KDM3A: variants seen among roughly 807,000 people sequenced by gnomAD.
The protein encoded by KDM3A is lysine demethylase 3A.
KDM3A carries 60 observed loss-of-function variants against 158.0 expected under a neutral mutation model. The ratio of observed to expected loss-of-function variants is 0.38; its 90% CI spans 0.31 to 0.47. The LOEUF is 0.47. Ranked by LOEUF, KDM3A falls within the 20% of genes least tolerant of loss-of-function variation. KDM3A has a pLI of 0.99. For synonymous variants in KDM3A, 608 were observed against 549.3 expected, an observed-to-expected ratio of 1.11 and a Z score of -1.49; for missense variants, 1,319 against 1,574.3, an observed-to-expected ratio of 0.84 and a Z score of 2.74.
At chr2:86,491,366 G>A in intron 25 of KDM3A, 91 bp downstream of exon 25, 2 of 1,351,180 alleles carry the variant, frequency 1.5e-6, no homozygotes, top group Non-Finnish European at 2.1e-6. Flanking sequence ...AGTGAACTTG[G>A]CCATATCGTA....
chr2:86,484,760 A>G (rs1674101920), intron 19 of KDM3A, 182 bp from the exon 20 acceptor site: 1 of 518,670 alleles, frequency 1.9e-6, no homozygotes, highest in Non-Finnish European at 3.4e-6. Flanking sequence ...AAAATGGTGG[A>G]TAGTTGGTAG....
rs779252326 is a variant in KDM3A, at chr2:86,451,173, A to T, written c.413A>T (p.Gln138Leu). 11 of 1,611,944 alleles carry T rather than the reference A, an allele frequency of 6.8e-6. No individual in the cohort carries two copies. Among genetic ancestry groups the T allele is most frequent in the Non-Finnish European group, 8.5e-6 (10 of 1,179,284 alleles). The change falls in exon 4 of 26, where the codon CAA (glutamine) becomes CTA (leucine). Residue 138 changes from glutamine (Q) to leucine (L), a missense_variant. By Grantham distance (113) the Gln-to-Leu change is moderately radical (BLOSUM62 -2). Around this residue, in one of 4 missense-constraint regions of KDM3A, gnomAD observed 652 missense variants for 627.2 expected, o/e 1.04. Transcript: ENST00000312912. ...TCTGTTCGCTTTCTGGGAGATCAAC[A>T]AAGAGTATTTCTTTCTAAAGACCTT... is the stretch of plus-strand genomic sequence containing the variant. ...ITSVRFLGDQ[Q>L]RVFLSKDLLK...
chr2:86,468,098 C>T (rs980169732), intron 10 of KDM3A, among the ~76,000 whole-genome samples: 4 of 152,168 alleles, frequency 2.6e-5, no homozygotes, highest in African/African-American at 9.7e-5. Context: ...AATATATCTA[C>T]ACTATCTTTT....
At chr2:86,470,131 T>C in intron 10 of KDM3A, 73 bp from the exon 11 acceptor site, 1 of 1,231,518 alleles carries the variant, frequency 8.1e-7, no homozygotes. Flanking sequence ...GGTTTTTGAA[T>C]AGAATTCAGT....
intron 8 of KDM3A, among the ~76,000 whole-genome samples, chr2:86,457,705 GT>G (rs1672764907): frequency 6.6e-6 from 1 of 152,160 alleles, no homozygotes; most frequent in African/African-American, 2.4e-5. Flanking sequence ...AGAATTCTGA[GT>G]AGTTTGGGTG....
intron 3 of KDM3A, among the ~76,000 whole-genome samples, chr2:86,450,554 G>A (rs1225251167): frequency 2.0e-5 from 3 of 152,134 alleles, no homozygotes; most frequent in Non-Finnish European, 4.4e-5. Context: ...AAGAGTGAGC[G>A]CTGTCTGGAG....
chr2:86,455,701 T>G (rs537139651), intron 5 of KDM3A, among the ~76,000 whole-genome samples: 2 of 152,130 alleles, frequency 1.3e-5, no homozygotes, highest in Non-Finnish European at 2.9e-5. Flanking sequence ...TCCCAGCACT[T>G]TGGGACATCC....
intron 11 of KDM3A, among the ~76,000 whole-genome samples, chr2:86,473,848 G>A (rs1352349624): frequency 6.6e-6 from 1 of 152,208 alleles, no homozygotes; most frequent in Non-Finnish European, 1.5e-5. Context: ...GGCAGATAAT[G>A]AACAAATGTT....
intron 9 of KDM3A, among the ~76,000 whole-genome samples, chr2:86,464,846 A>C (rs549181402): frequency 6.6e-6 from 1 of 152,350 alleles, no homozygotes; most frequent in African/African-American, 2.4e-5. Context: ...ATACAGCCTT[A>C]AGATGTAGGT....
chr2:86,463,528 C>T (rs1673010012), intron 8 of KDM3A, among the ~76,000 whole-genome samples: 2 of 152,212 alleles, frequency 1.3e-5, no homozygotes, highest in South Asian at 4.1e-4. Flanking sequence ...ACTTCTGTGA[C>T]TTGATGAGCC....
chr2:86,457,711 T>C (rs1051387161), intron 8 of KDM3A, among the ~76,000 whole-genome samples: 9 of 152,164 alleles, frequency 5.9e-5, no homozygotes, highest in African/African-American at 2.2e-4. Context: ...CTGAGTAGTT[T>C]GGGTGTTGAA....
intron 2 of KDM3A, among the ~76,000 whole-genome samples, chr2:86,448,038 G>A (rs1222483347): frequency 6.6e-6 from 1 of 152,226 alleles, no homozygotes; most frequent in Non-Finnish European, 1.5e-5. Context: ...AGACCATTTG[G>A]TTGATTACAG....
At chr2:86,470,098 G>T in intron 10 of KDM3A, 106 bp from the exon 11 acceptor site, 1 of 829,600 alleles carries the variant, frequency 1.2e-6, no homozygotes, top group Admixed American at 2.3e-5. Context: ...ATTGAGAAGG[G>T]AGTTCTCTTT....
At chr2:86,442,477 T>G (rs1192789559) in intron 2 of KDM3A, 1 of 427,262 alleles carries the variant, frequency 2.3e-6, no homozygotes, top group African/African-American at 2.0e-5. Context: ...CACGCTTCAT[T>G]AATGCCGGTG....
At chr2:86,486,977 C>G (rs1452418714) in intron 21 of KDM3A, 3 of 152,384 alleles carry the variant, frequency 2.0e-5, no homozygotes, top group Non-Finnish European at 4.4e-5. Flanking sequence ...TCTCAGGTCT[C>G]TGTTGGTGAG....
chr2:86,442,102 A>C lies in KDM3A; in HGVS notation c.55A>C (p.Ser19Arg). Residue 19 changes from serine to arginine, a missense_variant, in exon 2 of 26, where the codon AGT (serine) becomes CGT (arginine). Ser to Arg is a moderately radical substitution (Grantham distance 110, BLOSUM62 -1). Around this residue, in one of 4 missense-constraint regions of KDM3A, gnomAD observed 652 missense variants for 627.2 expected, o/e 1.04. Transcript: ENST00000312912. The part of the protein sequence containing the change: ...WPVLVGRRFL[S>R]LSAADGSDGS... ...GGTATTGGTGGGGAGGAGGTTTCTC[A>C]GTCTGTCCGCAGCCGACGGCAGCGA... is the stretch of plus-strand genomic sequence containing the variant. The C allele has an allele frequency of 6.2e-7, 1 of 1,614,138 alleles. No individual in the cohort carries two copies. The highest frequency in any genetic ancestry group is 8.5e-7 in the Non-Finnish European group (1 of 1,180,010).
At chr2:86,455,294 CTTT>C (rs767439758) in intron 5 of KDM3A, 107 bp downstream of exon 5, 1,377 of 532,622 alleles carry the variant, frequency 2.6e-3, no homozygotes, top group South Asian at 3.0e-3. Flanking sequence ...TTTCTTTTTT[CTTT>C]TTTTTTTTTT....
chr2:86,474,663 C>CAAAA lies in KDM3A; in HGVS notation c.1725-101_1725-98dup, dbSNP rs765315792. On this transcript the variant is annotated intron_variant, in intron 11 of 25. Coordinates refer to ENST00000312912, the MANE Select transcript of KDM3A (RefSeq NM_018433.6). ...TGGGTGACAGAGCGAGACTCCATCC[C>CAAAA]AAAAAAAAAAAAAAAGTAATTACAA... 15 of 424,428 alleles carry CAAAA rather than the reference C, an allele frequency of 3.5e-5. No homozygotes were observed. The South Asian group carries it at 3.6e-4, about 10-fold the overall frequency. The allele number at this position is 424,428 out of a possible 1,614,324, so 26.3% of individuals were successfully genotyped here.
intron 16 of KDM3A, among the ~76,000 whole-genome samples, chr2:86,481,491 G>T (rs996435598): frequency 3.3e-5 from 5 of 150,940 alleles, no homozygotes; most frequent in African/African-American, 7.3e-5. Flanking sequence ...TTGTTTGTTT[G>T]GTTTTGTTTT....
Sources: gnomAD v4.1 joint callset for allele counts (sites outside exome capture counted in the v4.1 genomes callset) on GRCh38, gnomAD v4.1.1 for gene constraint, gnomAD v4.1.1 regional missense constraint, MANE v1.5 for transcripts, NCBI Gene and HGNC (gene_info 2026-07-23, HGNC 2026-07-21) for gene names.